Variants in PPP2R2B observed in about 807,000 individuals in gnomAD.
The protein encoded by PPP2R2B is serine/threonine-protein phosphatase 2A 55 kDa regulatory subunit B beta isoform.
In PPP2R2B, 5 loss-of-function variants were observed where a neutral mutation model predicts 46.0. The observed-to-expected ratio is 0.11, with a 90% confidence interval of 0.06 to 0.23. PPP2R2B has a LOEUF of 0.23. Ranked by LOEUF, PPP2R2B falls within the 10% of genes least tolerant of loss-of-function variation. The pLI, the probability that PPP2R2B is intolerant of heterozygous loss-of-function variation, is 1.00. For missense variants in PPP2R2B, 367 were observed against 575.0 expected, an observed-to-expected ratio of 0.64 and a Z score of 3.70; for synonymous variants, 215 against 206.7, an observed-to-expected ratio of 1.04 and a Z score of -0.34.
chr5:146,786,347 C>G (rs1755836861), intron 2 of PPP2R2B, among the ~76,000 whole-genome samples: 2 of 152,158 alleles, frequency 1.3e-5, no homozygotes, highest in South Asian at 4.1e-4. Flanking sequence ...AATGCATTAT[C>G]ATGGTTCACC....
At chr5:146,966,316 C>CTGT (rs1164764443) in intron 1 of PPP2R2B, among the ~76,000 whole-genome samples, 1 of 152,212 alleles carries the variant, frequency 6.6e-6, no homozygotes, top group African/African-American at 2.4e-5. Context: ...ATGGAAGAGG[C>CTGT]TGTTGTGTCC....
chr5:146,668,597 G>A (rs1341064287), intron 5 of PPP2R2B, among the ~76,000 whole-genome samples: 1 of 152,196 alleles, frequency 6.6e-6, no homozygotes, highest in Non-Finnish European at 1.5e-5. Context: ...GGTGACTTAT[G>A]CCTGGTCTAC....
intron 2 of PPP2R2B, among the ~76,000 whole-genome samples, chr5:146,740,535 C>T (rs59004522): frequency 0.023 from 3,495 of 151,070 alleles, 131 homozygotes; most frequent in African/African-American, 0.077. Flanking sequence ...TTCTTTTCCA[C>T]AAATTTGGAT....
intron 5 of PPP2R2B, among the ~76,000 whole-genome samples, chr5:146,657,964 T>C (rs1397951577): frequency 3.9e-5 from 6 of 152,196 alleles, no homozygotes; most frequent in Admixed American, 3.9e-4. Flanking sequence ...AGGAAGGTTA[T>C]AACCACACAC....
intron 2 of PPP2R2B, among the ~76,000 whole-genome samples, chr5:146,762,632 A>G (rs1184660269): frequency 6.6e-6 from 1 of 152,220 alleles, no homozygotes; most frequent in African/African-American, 2.4e-5. Flanking sequence ...ATCTCCATAT[A>G]TCCAGAGTCA....
chr5:146,983,176 A>ATTTCTTTTTT (rs1753254689), intron 1 of PPP2R2B, among the ~76,000 whole-genome samples: 1 of 80,856 alleles, frequency 1.2e-5, no homozygotes, highest in Admixed American at 2.0e-4. Context: ...TTTCCAGAGC[A>ATTTCTTTTTT]TTTTTTTTTT....
chr5:146,640,037 G>A (rs1775092840), intron 6 of PPP2R2B, among the ~76,000 whole-genome samples: 2 of 152,184 alleles, frequency 1.3e-5, no homozygotes, highest in Admixed American at 6.5e-5. Context: ...TTAGAGTTTA[G>A]ATGCGGTACA....
intron 2 of PPP2R2B, among the ~76,000 whole-genome samples, chr5:146,776,658 C>T (rs114265792): frequency 0.016 from 2,452 of 151,832 alleles, 70 homozygotes; most frequent in African/African-American, 0.055. Context: ...TGGACTTCAC[C>T]GAAATAAAAA....
At chr5:146,798,700 G>A (rs1005420406) in intron 2 of PPP2R2B, among the ~76,000 whole-genome samples, 5 of 152,112 alleles carry the variant, frequency 3.3e-5, no homozygotes. Context: ...AATGCTCTAG[G>A]CACATAGCGA....
chr5:146,694,412 A>AC (rs1554125568), intron 4 of PPP2R2B, among the ~76,000 whole-genome samples: 3 of 152,182 alleles, frequency 2.0e-5, no homozygotes, highest in Admixed American at 2.0e-4. Flanking sequence ...TTAATACCAA[A>AC]TTTTTTTTGT....
chr5:146,744,095 A>C (rs73793244), intron 2 of PPP2R2B, among the ~76,000 whole-genome samples: 3,030 of 152,328 alleles, frequency 0.02, 88 homozygotes, highest in African/African-American at 0.066. Context: ...CTAACTTACA[A>C]ATATATCTTT....
intron 1 of PPP2R2B, among the ~76,000 whole-genome samples, chr5:146,929,899 G>C (rs778292153): frequency 6.6e-6 from 1 of 152,106 alleles, no homozygotes; most frequent in African/African-American, 2.4e-5. Context: ...TAAGTAAAGA[G>C]GGCCTAATAC....
chr5:146,773,245 G>T (rs996048298), intron 2 of PPP2R2B, among the ~76,000 whole-genome samples: 1 of 152,168 alleles, frequency 6.6e-6, no homozygotes, highest in Non-Finnish European at 1.5e-5. Flanking sequence ...TATGGGAAAT[G>T]GCCATACTGC....
intron 1 of PPP2R2B, among the ~76,000 whole-genome samples, chr5:147,024,522 T>C (rs1175199128): frequency 2.0e-5 from 3 of 152,102 alleles, no homozygotes. Flanking sequence ...AAATACACAT[T>C]TTTAAAAAGT....
intron 9 of PPP2R2B, 25 bp downstream of exon 9, chr5:146,592,946 T>A: frequency 6.4e-7 from 1 of 1,573,298 alleles, no homozygotes; most frequent in Non-Finnish European, 8.7e-7. Context: ...TTTGGAAGGT[T>A]CTTCAGCCAC....
chr5:147,001,229 C>T (rs1462797775), intron 1 of PPP2R2B, among the ~76,000 whole-genome samples: 2 of 152,174 alleles, frequency 1.3e-5, no homozygotes, highest in African/African-American at 2.4e-5. Context: ...CTCAGGTCCC[C>T]TTCCACGCTG....
At chr5:146,648,077 T>C (rs1363513308) in intron 6 of PPP2R2B, among the ~76,000 whole-genome samples, 1 of 152,214 alleles carries the variant, frequency 6.6e-6, no homozygotes, top group Non-Finnish European at 1.5e-5. Context: ...GGTCTTTTTA[T>C]CCTGGGCACA....
chr5:146,796,449 T>A (rs911535251), intron 2 of PPP2R2B, among the ~76,000 whole-genome samples: 9 of 152,176 alleles, frequency 5.9e-5, no homozygotes, highest in African/African-American at 2.2e-4. Flanking sequence ...TAGCTACAAA[T>A]GGCAAACATT....
At chr5:146,856,064 T>C (rs1760643991) in intron 2 of PPP2R2B, among the ~76,000 whole-genome samples, 1 of 152,158 alleles carries the variant, frequency 6.6e-6, no homozygotes, top group Non-Finnish European at 1.5e-5. Flanking sequence ...TTTCTTTGCC[T>C]CTTGACCCCA....
Sources: gnomAD v4.1 joint callset for allele counts (sites outside exome capture counted in the v4.1 genomes callset) on GRCh38, gnomAD v4.1.1 for gene constraint, MANE v1.5 for transcripts, NCBI Gene and HGNC (gene_info 2026-07-23, HGNC 2026-07-21) for gene names.